The following ACYP2 variants were observed in gnomAD, a reference collection of about 807,000 sequenced individuals.
ACYP2 encodes acylphosphatase 2, also known as acylphosphatase-2.
In ACYP2, 12 loss-of-function variants were observed where a neutral mutation model predicts 11.2. The observed-to-expected ratio is 1.08, with a 90% CI of 0.69 to 1.74. The LOEUF (loss-of-function observed/expected upper bound fraction) is 1.74, where lower values mean the gene tolerates loss of function less well. Ranked by LOEUF, ACYP2 falls within the 40% of genes most tolerant of loss-of-function variation. The probability of loss-of-function intolerance (pLI) is 0.00; values close to 1 mark genes in which losing one functional copy is unlikely to be tolerated. For missense variants in ACYP2, 134 were observed against 101.9 expected (o/e 1.31, Z -1.35); for synonymous variants, 43 against 32.2 (o/e 1.33, Z -1.13).
intron 6 of ACYP2, among the ~76,000 whole-genome samples, chr2:54,154,485 G>C (rs2112127): frequency 0.23 from 34,974 of 152,072 alleles, 3,925 homozygotes; most frequent in East Asian, 0.31. Context: ...TTAGTGAAAG[G>C]ATGTTGAATT....
At chr2:54,007,824 C>T (rs995902987) in intron 2 of ACYP2, among the ~76,000 whole-genome samples, 2 of 151,954 alleles carry the variant, frequency 1.3e-5, no homozygotes, top group Non-Finnish European at 2.9e-5. Context: ...GAGATCGTGC[C>T]ACTGCAGTCC....
chr2:54,103,791 T>A (rs1679021411), intron 4 of ACYP2, among the ~76,000 whole-genome samples: 1 of 152,232 alleles, frequency 6.6e-6, no homozygotes, highest in East Asian at 1.9e-4. Context: ...AGAGGATCTT[T>A]AATGGTATCC....
intron 6 of ACYP2, among the ~76,000 whole-genome samples, chr2:54,144,625 G>A (rs1681800370): frequency 6.8e-6 from 1 of 148,128 alleles, no homozygotes; most frequent in East Asian, 2.0e-4. Flanking sequence ...AGTGAGCCAA[G>A]ATCATGCCAC....
At chr2:54,147,775 T>C in intron 6 of ACYP2, among the ~76,000 whole-genome samples, 1 of 152,180 alleles carries the variant, frequency 6.6e-6, no homozygotes, top group East Asian at 1.9e-4. Flanking sequence ...TCCTTCTGCC[T>C]CGGCTTCCCA....
intron 2 of ACYP2, among the ~76,000 whole-genome samples, chr2:54,015,178 G>T (rs1673610596): frequency 6.6e-6 from 1 of 151,812 alleles, no homozygotes; most frequent in African/African-American, 2.4e-5. Flanking sequence ...ATCAGCCTGG[G>T]CAACATGGTG....
chr2:54,153,125 A>G (rs1450849215), intron 6 of ACYP2, among the ~76,000 whole-genome samples: 1 of 152,016 alleles, frequency 6.6e-6, no homozygotes, highest in Non-Finnish European at 1.5e-5. Context: ...TAAGTCTTTA[A>G]TCCATTTCGA....
intron 6 of ACYP2, among the ~76,000 whole-genome samples, chr2:54,191,145 C>T (rs1684221307): frequency 6.6e-6 from 1 of 152,148 alleles, no homozygotes; most frequent in Non-Finnish European, 1.5e-5. Context: ...CTGCTTTCCC[C>T]TGTGCCCCCA....
chr2:54,118,806 C>T (rs902744457), intron 4 of ACYP2, among the ~76,000 whole-genome samples: 1 of 152,134 alleles, frequency 6.6e-6, no homozygotes, highest in Non-Finnish European at 1.5e-5. Flanking sequence ...CACTATTGAT[C>T]AAGGCATAGT....
intron 6 of ACYP2, among the ~76,000 whole-genome samples, chr2:54,164,322 C>T (rs1414353427): frequency 6.6e-6 from 1 of 152,096 alleles, no homozygotes; most frequent in African/African-American, 2.4e-5. Flanking sequence ...ATTTAACTGC[C>T]AGGCTTTTGA....
intron 6 of ACYP2, among the ~76,000 whole-genome samples, chr2:54,205,144 A>G (rs2103918741): frequency 6.6e-6 from 1 of 152,256 alleles, no homozygotes; most frequent in Non-Finnish European, 1.5e-5. Flanking sequence ...AATGTCTACA[A>G]AGTTTCTTTG....
intron 6 of ACYP2, among the ~76,000 whole-genome samples, chr2:54,150,083 C>T (rs1682080556): frequency 6.6e-6 from 1 of 152,130 alleles, no homozygotes; most frequent in Admixed American, 6.6e-5. Context: ...TTTATCAATA[C>T]CTAGGAGTAG....
chr2:54,199,109 T>C (rs969422469), intron 6 of ACYP2, among the ~76,000 whole-genome samples: 2 of 152,234 alleles, frequency 1.3e-5, no homozygotes, highest in East Asian at 3.8e-4. Context: ...CTTTTTTCTG[T>C]GCTCACAGTC....
chr2:54,251,973 G>A (rs1317511520), intron 6 of ACYP2, among the ~76,000 whole-genome samples: 1 of 152,152 alleles, frequency 6.6e-6, no homozygotes, highest in Non-Finnish European at 1.5e-5. Flanking sequence ...CAGGGAACCA[G>A]TGCAAACACT....
rs149133479 is a variant in ACYP2, at chr2:54,227,495, C to T, written c.405-77193C>T. Among the ~76,000 whole-genome samples the T allele has an allele frequency of 1.8e-4, 27 of 152,036 alleles. No individual in the cohort carries two copies. In the East Asian group the frequency reaches 4.4e-3, roughly 25 times the overall value. ...CTCTACTAAAATACAAAAAATTATC[C>T]GGTTCATGGTGGCGCGTGCCTGTAG... On this transcript the variant is annotated intron_variant, in intron 6 of 6. Transcript: ENST00000607452.
At chr2:54,092,965 G>T (rs1003324403) in intron 4 of ACYP2, among the ~76,000 whole-genome samples, 2 of 152,196 alleles carry the variant, frequency 1.3e-5, no homozygotes, top group Admixed American at 6.5e-5. Flanking sequence ...CCCATTGATG[G>T]TGGGGTACAA....
At chr2:54,157,146 G>A (rs952104809) in intron 6 of ACYP2, among the ~76,000 whole-genome samples, 14 of 152,038 alleles carry the variant, frequency 9.2e-5, no homozygotes, top group African/African-American at 3.4e-4. Flanking sequence ...AGTAAAAGAT[G>A]TAAGTTCTTT....
chr2:54,098,453 G>A (rs993215006), intron 4 of ACYP2, among the ~76,000 whole-genome samples: 3 of 152,048 alleles, frequency 2.0e-5, no homozygotes, highest in Non-Finnish European at 2.9e-5. Context: ...AGAAACGAGG[G>A]CAGTTGTCCC....
intron 6 of ACYP2, among the ~76,000 whole-genome samples, chr2:54,220,378 A>C (rs765505472): frequency 2.0e-5 from 3 of 152,168 alleles, no homozygotes; most frequent in Non-Finnish European, 4.4e-5. Context: ...CTCAACCTAG[A>C]ATTTTAAGTC....
At chr2:54,298,404 T>C (rs182877168) in intron 6 of ACYP2, among the ~76,000 whole-genome samples, 1 of 152,238 alleles carries the variant, frequency 6.6e-6, no homozygotes, top group Non-Finnish European at 1.5e-5. Context: ...TGCATTTGCC[T>C]CTGCTCCCTC....
Sources: gnomAD v4.1 joint callset for allele counts (sites outside exome capture counted in the v4.1 genomes callset) on GRCh38, gnomAD v4.1.1 for gene constraint, MANE v1.5 for transcripts, NCBI Gene and HGNC (gene_info 2026-07-23, HGNC 2026-07-21) for gene names.